TCF12: variants seen among roughly 807,000 people sequenced by gnomAD.
The protein encoded by TCF12 is DNA-binding protein HTF4.
In TCF12, 45 loss-of-function variants were observed where a neutral mutation model predicts 86.0. That is an observed-to-expected ratio of 0.52 (90% CI 0.41 to 0.67). The LOEUF (loss-of-function observed/expected upper bound fraction) is 0.67. TCF12 is among the 30% of genes least tolerant of loss of function. TCF12 has a pLI of 0.00. For missense variants in TCF12, 881 were observed against 859.9 expected, an observed-to-expected ratio of 1.02 and a Z score of -0.31; for synonymous variants, 330 against 299.6, an observed-to-expected ratio of 1.10 and a Z score of -1.05.
intron 5 of TCF12, chr15:57,118,385 A>C (rs1385386530): frequency 6.6e-6 from 1 of 152,240 alleles, no homozygotes; most frequent in Non-Finnish European, 1.5e-5. Context: ...ACTAGAAACT[A>C]TACAGATGAA....
At chr15:56,974,618 A>G (rs1625176) in intron 3 of TCF12, among the ~76,000 whole-genome samples, 34,156 of 151,970 alleles carry the variant, frequency 0.22, 3,897 homozygotes, top group Middle Eastern at 0.24. Context: ...AGTATTTACA[A>G]CAATCCTGCT....
intron 6 of TCF12, among the ~76,000 whole-genome samples, chr15:57,171,204 A>G (rs1263472719): frequency 1.3e-5 from 2 of 152,090 alleles, no homozygotes; most frequent in African/African-American, 2.4e-5. Flanking sequence ...TACAAGATTT[A>G]AAGATATTCA....
chr15:57,284,988 G>C (rs550263850), intron 20 of TCF12, among the ~76,000 whole-genome samples: 13 of 152,356 alleles, frequency 8.5e-5, no homozygotes, highest in African/African-American at 2.6e-4. Flanking sequence ...CAAGATATGA[G>C]ACATGTAGTG....
At chr15:57,201,480 G>T (rs966191464) in intron 8 of TCF12, among the ~76,000 whole-genome samples, 1 of 152,012 alleles carries the variant, frequency 6.6e-6, no homozygotes, top group Non-Finnish European at 1.5e-5. Flanking sequence ...AAATAAACAC[G>T]TGTTGAGGTC....
intron 5 of TCF12, among the ~76,000 whole-genome samples, chr15:57,132,675 T>A (rs1019181478): frequency 1.3e-5 from 2 of 152,224 alleles, no homozygotes; most frequent in Non-Finnish European, 2.9e-5. Flanking sequence ...TTGCTTTTTT[T>A]AAGAATGAAA....
chr15:57,253,416 A>T lies in TCF12; in HGVS notation c.1415A>T (p.Asn472Ile). The change falls in exon 16 of 21, where the codon AAT becomes ATT. Residue 472 changes from asparagine to isoleucine, a missense_variant. Physicochemically the swap from Asn to Ile is moderately radical, Grantham distance 149. This residue lies in a region of TCF12 where 766 missense variants were observed against 718.9 expected (regional missense o/e 1.07). Transcript: ENST00000333725. ...CATAATGCACCAATTGGAAGCCTCA[A>T]TTCAAACTATGGAGGATCAAGCCTT... is the stretch of plus-strand genomic sequence containing the variant. Reference protein sequence around the residue: ...PSHNAPIGSLNSNYGGSSLVA... With the variant: ...PSHNAPIGSLISNYGGSSLVA... 6.2e-7 allele frequency: 1 copy of T among 1,614,108 alleles called. No homozygotes were observed. Among genetic ancestry groups the T allele is most frequent in the Non-Finnish European group, 8.5e-7 (1 of 1,179,988 alleles).
intron 8 of TCF12, among the ~76,000 whole-genome samples, chr15:57,230,783 A>T (rs1458509733): frequency 6.6e-6 from 1 of 152,020 alleles, no homozygotes; most frequent in African/African-American, 2.4e-5. Context: ...ATTTTATGTT[A>T]TGCTATATTG....
intron 3 of TCF12, among the ~76,000 whole-genome samples, chr15:57,017,986 C>G (rs2065252391): frequency 6.6e-6 from 1 of 151,970 alleles, no homozygotes; most frequent in African/African-American, 2.4e-5. Flanking sequence ...TAAGAATCAC[C>G]CAGTGAGGGT....
intron 3 of TCF12, among the ~76,000 whole-genome samples, chr15:56,975,637 T>G (rs367562002): frequency 6.6e-6 from 1 of 151,590 alleles, no homozygotes; most frequent in Admixed American, 6.6e-5. Flanking sequence ...TAGGGGTTTT[T>G]TTTGTTTGTT....
In TCF12 at chr15:57,068,825, C is replaced by A. The variant is rs774153074; in HGVS notation, c.222+5002C>A. Among the ~76,000 whole-genome samples, 11 of 152,016 alleles carry A rather than the reference C, an allele frequency of 7.2e-5. 1 individual carries two copies. Among genetic ancestry groups the A allele is most frequent in the Non-Finnish European group, 1.5e-4 (10 of 67,990 alleles). ...CTTCTATGTGTCTTAGTTTTCTGGT[C>A]TCTAAAATTATGATAATTTTACATG... is the stretch of plus-strand genomic sequence containing the variant. On this transcript the variant is annotated intron_variant, in intron 4 of 20. Coordinates refer to ENST00000333725, the MANE Select transcript of TCF12 (RefSeq NM_207037.2).
intron 4 of TCF12, among the ~76,000 whole-genome samples, chr15:57,067,491 A>G (rs1483447812): frequency 7.7e-6 from 1 of 129,322 alleles, no homozygotes; most frequent in African/African-American, 3.0e-5. Context: ...AGTGAGCCAG[A>G]TCCCGCCACT....
At chr15:56,921,129 AT>A in intron 3 of TCF12, 31 bp downstream of exon 3, 1 of 1,548,728 alleles carries the variant, frequency 6.5e-7, no homozygotes, top group Non-Finnish European at 8.8e-7. Flanking sequence ...AAAGACTCAT[AT>A]TTTGGTGGTG....
At chr15:56,984,476 T>C (rs1246115996) in intron 3 of TCF12, among the ~76,000 whole-genome samples, 1 of 152,164 alleles carries the variant, frequency 6.6e-6, no homozygotes, top group African/African-American at 2.4e-5. Context: ...CAAATTCTCT[T>C]GTCAGAGATA....
chr15:57,014,806 A>G (rs935999075), intron 3 of TCF12, among the ~76,000 whole-genome samples: 9 of 151,870 alleles, frequency 5.9e-5, no homozygotes, highest in African/African-American at 1.9e-4. Flanking sequence ...GTTTCCCTAC[A>G]GTGGTCCTTA....
At chr15:57,123,474 CA>C (rs2051382220) in intron 5 of TCF12, among the ~76,000 whole-genome samples, 1 of 151,512 alleles carries the variant, frequency 6.6e-6, no homozygotes, top group African/African-American at 2.4e-5. Context: ...ATTAGGTAGA[CA>C]ATCTCCATTT....
chr15:57,192,352 A>G, intron 7 of TCF12, 59 bp downstream of exon 7: 4 of 1,573,624 alleles, frequency 2.5e-6, no homozygotes, highest in Non-Finnish European at 3.4e-6. Flanking sequence ...TTTTCCTCCC[A>G]TAATCTGTAC....
intron 8 of TCF12, among the ~76,000 whole-genome samples, chr15:57,213,467 A>G (rs1376304102): frequency 6.6e-6 from 1 of 152,232 alleles, no homozygotes; most frequent in African/African-American, 2.4e-5. Flanking sequence ...AAGAATTTTT[A>G]CTGAAACAAA....
intron 5 of TCF12, among the ~76,000 whole-genome samples, chr15:57,158,858 G>A (rs535168389): frequency 2.0e-5 from 3 of 152,312 alleles, no homozygotes; most frequent in South Asian, 2.1e-4. Flanking sequence ...AGCTGTGCCT[G>A]TTGGCACTAG....
At chr15:57,266,550 TAACA>T (rs1169272705) in intron 18 of TCF12, among the ~76,000 whole-genome samples, 4 of 152,190 alleles carry the variant, frequency 2.6e-5, no homozygotes, top group African/African-American at 9.7e-5. Context: ...TGTTTCTTTT[TAACA>T]AACAATTAAA....
Sources: allele counts gnomAD v4.1 joint callset (sites outside exome capture counted in the v4.1 genomes callset), GRCh38; gene constraint gnomAD v4.1.1; regional missense constraint gnomAD v4.1.1; transcripts MANE v1.5; gene names NCBI Gene and HGNC (gene_info 2026-07-23, HGNC 2026-07-21).